The following NR5A2 variants were observed in gnomAD, a reference collection of about 807,000 sequenced individuals.
NR5A2 encodes the protein nuclear receptor subfamily 5 group A member 2, also known as CYP7A promoter-binding factor.
A neutral mutation model predicts 62.7 loss-of-function variants in NR5A2; 26 were observed. The observed-to-expected ratio is 0.41, with a 90% CI of 0.30 to 0.58. The LOEUF (loss-of-function observed/expected upper bound fraction) is 0.58, where lower values mean the gene tolerates loss of function less well. Ranked by LOEUF, NR5A2 falls within the 20% of genes least tolerant of loss-of-function variation. The pLI is 0.22. For synonymous variants in NR5A2, 246 were observed against 241.7 expected (o/e 1.02, Z -0.16); for missense variants, 541 against 669.1 (o/e 0.81, Z 2.11).
In NR5A2 at chr1:200,147,603, A is replaced by G. The variant is rs1330538752; in HGVS notation, c.1379-26360A>G. On this transcript the variant is annotated intron_variant, in intron 7 of 7. Transcript: ENST00000367362. The surrounding 1 kb of genome is among the most constrained non-coding windows in gnomAD (Gnocchi z 4.9). ...CTACACGAACGCTAGGGCAGAGCAC[A>G]TTTTCGCACAGGCAGCGCCGCAGCT... 1.4e-6 allele frequency: 1 copy of G among 717,912 alleles called. No individual in the cohort carries two copies. The highest frequency in any genetic ancestry group is 2.6e-6 in the Non-Finnish European group (1 of 385,368). The allele number at this position is 717,912 out of a possible 1,614,324, so 44.5% of individuals were successfully genotyped here. A position where few individuals can be genotyped will look rare whatever the true frequency, so the allele number is the denominator to read the frequency against.
chr1:200,033,936 T>G (rs987642170), intron 1 of NR5A2, among the ~76,000 whole-genome samples: 1 of 152,148 alleles, frequency 6.6e-6, no homozygotes, highest in Non-Finnish European at 1.5e-5. Flanking sequence ...TCTTTGACCT[T>G]AAGAATCAGA....
intron 6 of NR5A2, among the ~76,000 whole-genome samples, chr1:200,114,332 G>GA (rs903494249): frequency 4.0e-5 from 6 of 150,406 alleles, no homozygotes; most frequent in African/African-American, 4.9e-5. Flanking sequence ...GAAGGAGGCA[G>GA]AAAAAAAAGA....
At chr1:200,159,458 G>A (rs1445370277) in intron 7 of NR5A2, among the ~76,000 whole-genome samples, 1 of 152,150 alleles carries the variant, frequency 6.6e-6, no homozygotes, top group African/African-American at 2.4e-5. Context: ...TAACGGGACA[G>A]TAGAGACCTC....
At position 200,133,578 on chromosome 1, in the gene NR5A2, T is replaced by C. The variant is rs181342969; in HGVS notation, c.1378+12623T>C. 6.6e-3 allele frequency among the ~76,000 whole-genome samples: 831 copies of C among 126,350 alleles called. 9 individuals are homozygous for C. The highest frequency in any genetic ancestry group is 9.5e-3 in the Non-Finnish European group (595 of 62,780). 82.9% of individuals were successfully genotyped at this position (126,350 alleles called of 152,430 possible). ...ATATACACACATATATATATACACATATATATACACATATATATATATACA... is the reference window on the plus strand; with the variant it reads ...ATATACACACATATATATATACACACATATATACACATATATATATATACA... On this transcript the variant is annotated intron_variant, in intron 7 of 7. Coordinates refer to ENST00000367362, the MANE Select transcript of NR5A2 (RefSeq NM_205860.3).
rs1667768897 is a variant in NR5A2, at chr1:200,147,624, C to A, written c.1379-26339C>A. The A allele has an allele frequency of 7.0e-6, 5 of 715,180 alleles. No individual in the cohort carries two copies. The highest frequency in any genetic ancestry group is 1.0e-5 in the Non-Finnish European group (4 of 381,934). 44.3% of individuals were successfully genotyped at this position (715,180 alleles called of 1,614,324 possible). A position where few individuals can be genotyped will look rare whatever the true frequency, so the allele number is the denominator to read the frequency against. On this transcript the variant is annotated intron_variant, in intron 7 of 7. Transcript: ENST00000367362. This position sits in a 1 kb window ranked among gnomAD's most constrained non-coding sequence, Gnocchi z 4.9. The stretch of plus-strand genomic sequence containing the variant: ...GCACATTTTCGCACAGGCAGCGCCG[C>A]AGCTTGCCCTGGATCTTGTCGATTG...
intron 1 of NR5A2, among the ~76,000 whole-genome samples, chr1:200,037,587 C>G (rs1661838341): frequency 6.6e-6 from 1 of 152,184 alleles, no homozygotes; most frequent in African/African-American, 2.4e-5. Flanking sequence ...TTTCTTAGTT[C>G]TCAGTGATAC....
At chr1:200,030,556 C>T (rs1269093619) in intron 1 of NR5A2, among the ~76,000 whole-genome samples, 3 of 152,146 alleles carry the variant, frequency 2.0e-5, no homozygotes, top group Non-Finnish European at 4.4e-5. Context: ...ACTTCTTTCT[C>T]CCAAGTGGGA....
At chr1:200,091,279 A>G (rs1664801180) in intron 5 of NR5A2, among the ~76,000 whole-genome samples, 3 of 152,080 alleles carry the variant, frequency 2.0e-5, no homozygotes, top group African/African-American at 7.2e-5. Context: ...CTTAAGTTCT[A>G]TTCATTTATT....
At chr1:200,045,783 T>A (rs1662331626) in intron 4 of NR5A2, among the ~76,000 whole-genome samples, 199 bp downstream of exon 4, 1 of 152,130 alleles carries the variant, frequency 6.6e-6, no homozygotes, top group Non-Finnish European at 1.5e-5. Flanking sequence ...AGGAAAAAAA[T>A]TTAAAATATT....
chr1:200,173,994 A>G lies in NR5A2; in HGVS notation c.1410A>G (p.Val470=). 1 of 1,529,350 alleles carries G rather than the reference A, an allele frequency of 6.5e-7. No homozygotes were observed. 94.7% of individuals were successfully genotyped at this position (1,529,350 alleles called of 1,614,324 possible). Residue 470 remains valine, a synonymous_variant, in exon 8 of 8, where the codon GTA becomes GTG. Coordinates refer to ENST00000367362, the MANE Select transcript of NR5A2 (RefSeq NM_205860.3). The part of the protein sequence containing the change: ...DVKNLENFQL[V]EGVQEQVNAA... ...AAAACCTTGAAAACTTCCAGCTGGT[A>G]GAAGGTGTCCAGGAACAAGTCAATG...
intron 5 of NR5A2, among the ~76,000 whole-genome samples, chr1:200,095,185 T>C (rs1331004961): frequency 1.3e-5 from 2 of 150,926 alleles, no homozygotes; most frequent in South Asian, 2.1e-4. Flanking sequence ...GGTATACTCA[T>C]AGCTCACTGC....
chr1:200,041,069 C>A (rs1662047645), intron 2 of NR5A2, among the ~76,000 whole-genome samples: 1 of 151,612 alleles, frequency 6.6e-6, no homozygotes. Flanking sequence ...TGTGGGGCAT[C>A]GGGGAAGTGG....
Position 200,127,676 on chromosome 1 carries a change from CAAAAAAAAAAAAAAAAAAA to C in NR5A2, c.1378+6737_1378+6755del, listed in dbSNP as rs71132666. Among the ~76,000 whole-genome samples the C allele has an allele frequency of 5.1e-4, 13 of 25,598 alleles. 1 individual carries two copies. Among genetic ancestry groups the C allele is most frequent in the Admixed American group, 7.9e-4 (1 of 1,266 alleles). 16.8% of individuals were successfully genotyped at this position (25,598 alleles called of 152,430 possible). On this transcript the variant is annotated intron_variant, in intron 7 of 7. Coordinates refer to ENST00000367362, the MANE Select transcript of NR5A2 (RefSeq NM_205860.3). ...TGGGCTTCAGAGAAAGACTCTGTCT[CAAAAAAAAAAAAAAAAAAA>C]AAAAAAAAAAAAAAATATATATATA...
chr1:200,033,717 C>A (rs940967253), intron 1 of NR5A2, among the ~76,000 whole-genome samples: 10 of 152,194 alleles, frequency 6.6e-5, no homozygotes, highest in African/African-American at 2.4e-4. Flanking sequence ...CTCGTAATCG[C>A]GAAAGTTATC....
chr1:200,071,967 T>G (rs1255266309), intron 5 of NR5A2, among the ~76,000 whole-genome samples: 1 of 152,192 alleles, frequency 6.6e-6, no homozygotes, highest in African/African-American at 2.4e-5. Context: ...AAAGAACAGA[T>G]AGATATGGAA....
intron 5 of NR5A2, among the ~76,000 whole-genome samples, chr1:200,087,356 C>T (rs1183909956): frequency 1.3e-5 from 2 of 152,042 alleles, no homozygotes; most frequent in African/African-American, 4.8e-5. Flanking sequence ...TGTCAGGTCC[C>T]TTCTTTTGTA....
intron 7 of NR5A2, among the ~76,000 whole-genome samples, chr1:200,131,701 C>T (rs1413456097): frequency 6.6e-6 from 1 of 152,164 alleles, no homozygotes; most frequent in African/African-American, 2.4e-5. Flanking sequence ...CCAGATGCTG[C>T]ACTCTAGTGG....
intron 7 of NR5A2, among the ~76,000 whole-genome samples, chr1:200,153,910 T>C (rs751192208): frequency 6.6e-6 from 1 of 152,124 alleles, no homozygotes; most frequent in Admixed American, 6.5e-5. Context: ...TCCCTAATCA[T>C]GTAAGATTTG....
chr1:200,099,064 T>A (rs1665242841), intron 5 of NR5A2, among the ~76,000 whole-genome samples: 1 of 152,204 alleles, frequency 6.6e-6, no homozygotes, highest in Non-Finnish European at 1.5e-5. Flanking sequence ...CACTTAGCAC[T>A]GTGACATTAA....
Sources: gnomAD v4.1 joint callset for allele counts (sites outside exome capture counted in the v4.1 genomes callset) on GRCh38, gnomAD v4.1.1 for gene constraint, Gnocchi (gnomAD v3.1) non-coding constraint, MANE v1.5 for transcripts, NCBI Gene and HGNC (gene_info 2026-07-23, HGNC 2026-07-21) for gene names.